APOB: variants seen among roughly 807,000 people sequenced by gnomAD.
APOB encodes apolipoprotein B-100.
Under a neutral mutation model 314.1 loss-of-function variants are expected in APOB, and 153 were observed. The observed-to-expected ratio is 0.49, with a 90% CI of 0.43 to 0.56. The LOEUF (loss-of-function observed/expected upper bound fraction) is 0.56, where lower values mean the gene tolerates loss of function less well. Ranked by LOEUF, APOB falls within the 20% of genes least tolerant of loss-of-function variation. The probability of loss-of-function intolerance (pLI) is 0.00; values close to 1 mark genes in which losing one functional copy is unlikely to be tolerated. For synonymous variants in APOB, 2,087 were observed against 2,036.4 expected (o/e 1.02, Z -0.67); for missense variants, 5,430 against 5,350.7 (o/e 1.01, Z -0.46).
At chr2:21,018,659 C>T (rs926056186) in intron 20 of APOB, among the ~76,000 whole-genome samples, 4 of 152,206 alleles carry the variant, frequency 2.6e-5, no homozygotes, top group Non-Finnish European at 4.4e-5. Context: ...TGCCCTTCTT[C>T]CTCCCTCCTA....
intron 18 of APOB, 50 bp from the exon 19 acceptor site, chr2:21,019,955 T>C (rs1663563569): frequency 1.9e-6 from 3 of 1,582,410 alleles, no homozygotes; most frequent in Non-Finnish European, 8.7e-7. Flanking sequence ...TGAATCAAAA[T>C]GGACATCACA....
chr2:21,007,540 T>C lies in APOB; in HGVS notation c.9328A>G (p.Ile3110Val). 6.2e-7 allele frequency: 1 copy of C among 1,614,118 alleles called. No individual in the cohort carries two copies. The highest frequency in any genetic ancestry group is 1.3e-5 in the African/African-American group (1 of 75,056). ...TTTATTCCTACATGGGCCTCCATAA[T>C]GTTCTCGTTGTTTCCAGCAGAGAAA... ...QNFSAGNNEN[I>V]MEAHVGINGE... is the part of the protein sequence containing the mutation. Residue 3110 changes from isoleucine to valine, a missense_variant, in exon 26 of 29, where the codon ATT (isoleucine) becomes GTT (valine). By Grantham distance (29) the Ile-to-Val change is conservative. This residue lies in a region of APOB where 3,281 missense variants were observed against 3,171.0 expected (regional missense o/e 1.03). Coordinates refer to ENST00000233242, the MANE Select transcript of APOB (RefSeq NM_000384.3).
Position 21,006,413 on chromosome 2 carries a change from G to A in APOB, c.10455C>T (p.Ser3485=), listed in dbSNP as rs1156252950. The A allele has an allele frequency of 6.2e-7, 1 of 1,614,056 alleles. No individual in the cohort carries two copies. Among genetic ancestry groups the A allele is most frequent in the Non-Finnish European group, 8.5e-7 (1 of 1,179,968 alleles). The part of the protein sequence containing the change: ...GAVDHKLSLE[S]LTSYFSIESS... ...ACTCAATGGAAAAGTAAGAGGTGAG[G>A]CTTTCCAAGCTAAGCTTGTGGTCAA... Residue 3485 remains serine (S), a synonymous_variant, in exon 26 of 29, where the codon AGC becomes AGT. Transcript: ENST00000233242.
In APOB at chr2:21,037,198, C is replaced by T. The variant is rs1474361895; in HGVS notation, c.595G>A (p.Val199Met). The T allele has an allele frequency of 6.2e-7, 1 of 1,614,224 alleles. No homozygotes were observed. Among genetic ancestry groups the T allele is most frequent in the Non-Finnish European group, 8.5e-7 (1 of 1,180,048 alleles). The change falls in exon 6 of 29, where the codon GTG becomes ATG. Residue 199 changes from valine (V) to methionine (M), a missense_variant. Val to Met is a conservative substitution (Grantham distance 21). Transcript: ENST00000233242. ...HFTVKTRKGNVATEISTERDL... is the reference protein window; with the variant it reads ...HFTVKTRKGNMATEISTERDL... Reference sequence around the variant, plus strand: ...CTTTCAGTGGATATTTCTGTTGCCACATTGCCCTTCCTCGTCTTGACGGTA... The same window carrying T: ...CTTTCAGTGGATATTTCTGTTGCCATATTGCCCTTCCTCGTCTTGACGGTA...
Position 21,002,624 on chromosome 2 carries a change from G to T in APOB, c.12798C>A (p.Ile4266=). ...CTTTCAACAGTTCCCTATACATCGA[G>T]ATTACATCTATTAGTTTATGTTTCC... ...ELRKHKLIDV[I]SMYRELLKDL... is the part of the protein sequence containing the mutation. The change falls in exon 29 of 29, where the codon ATC becomes ATA. Residue 4266 remains isoleucine, a synonymous_variant. Transcript: ENST00000233242. The T allele has an allele frequency of 6.2e-7, 1 of 1,613,968 alleles. No homozygotes were observed. The highest frequency in any genetic ancestry group is 1.1e-5 in the South Asian group (1 of 91,052).
In APOB at chr2:21,005,743, C is replaced by G. The variant is rs1479855897; in HGVS notation, c.11125G>C (p.Val3709Leu). ...RQHLRVSTAF[V>L]YTKNPNGYSF... ...TAGCCATTGGGGTTTTTGGTGTACA[C>G]AAAGGCAGTTGAAACACGAAGATGC... Residue 3709 changes from valine to leucine, a missense_variant, in exon 26 of 29, where the codon GTG becomes CTG. Around this residue, in one of 3 missense-constraint regions of APOB, gnomAD observed 3,281 missense variants for 3,171.0 expected, o/e 1.03. Transcript: ENST00000233242. 1 of 1,613,912 alleles carries G rather than the reference C, an allele frequency of 6.2e-7. No homozygotes were observed. The highest frequency in any genetic ancestry group is 1.7e-5 in the Admixed American group (1 of 60,002).
In APOB at chr2:21,011,058, G is replaced by A; in HGVS notation, c.5810C>T (p.Pro1937Leu). 1 of 1,614,200 alleles carries A rather than the reference G, an allele frequency of 6.2e-7. No homozygotes were observed. The highest frequency in any genetic ancestry group is 8.5e-7 in the Non-Finnish European group (1 of 1,180,028). ...ATCATGAGAGAAAGTAAATGCCAGA[G>A]GTTCTGCTTTCAACAGGAATTTGCT... ...LYSKFLLKAE[P>L]LAFTFSHDYK... The change falls in exon 26 of 29, where the codon CCT becomes CTT. Residue 1937 changes from proline (P) to leucine (L), a missense_variant. Transcript: ENST00000233242.
At position 21,006,080 on chromosome 2, in the gene APOB, C is replaced by T. The variant is rs1460050818; in HGVS notation, c.10788G>A (p.Met3596Ile). The T allele has an allele frequency of 6.2e-7, 1 of 1,614,004 alleles. No individual in the cohort carries two copies. The highest frequency in any genetic ancestry group is 1.7e-5 in the Admixed American group (1 of 59,976). The change falls in exon 26 of 29, where the codon ATG (methionine) becomes ATA (isoleucine). Residue 3596 changes from methionine to isoleucine, a missense_variant. This residue lies in a region of APOB where 3,281 missense variants were observed against 3,171.0 expected (regional missense o/e 1.03). Coordinates refer to ENST00000233242, the MANE Select transcript of APOB (RefSeq NM_000384.3). ...TTGCATGGACCTGAACAAGAGCTGA[C>T]ATTTGCCATGGAGAGAGTTCCAGGG... The part of the protein sequence containing the change: ...KATLELSPWQ[M>I]SALVQVHASQ...
At chr2:21,032,658 G>T in intron 9 of APOB, 77 bp from the exon 10 acceptor site, 1 of 1,150,298 alleles carries the variant, frequency 8.7e-7, no homozygotes, top group Non-Finnish European at 1.3e-6. Flanking sequence ...TGTGTCCTCT[G>T]CCAGGAGAGC....
chr2:21,027,710 T>G, intron 14 of APOB, 118 bp downstream of exon 14: 1 of 809,458 alleles, frequency 1.2e-6, no homozygotes, highest in Non-Finnish European at 2.2e-6. Flanking sequence ...CTCAGAATCA[T>G]GGTAGGAAGT....
rs1272417513 is a variant in APOB, at chr2:21,009,448, T to C, written c.7420A>G (p.Lys2474Glu). ...TCCAGATACACTGCAACTGTGGCCTTGGTTTCCTCTAAAAACAGTTTTAAT... is the reference window on the plus strand; with the variant it reads ...TCCAGATACACTGCAACTGTGGCCTCGGTTTCCTCTAAAAACAGTTTTAAT... Reference protein sequence around the residue: ...EALKLFLEETKATVAVYLESL... With the variant: ...EALKLFLEETEATVAVYLESL... The change falls in exon 26 of 29, where the codon AAG becomes GAG. Residue 2474 changes from lysine to glutamate, a missense_variant. Physicochemically the swap from Lys to Glu is moderately conservative, Grantham distance 56 (BLOSUM62 1). This residue lies in a region of APOB where 3,281 missense variants were observed against 3,171.0 expected (regional missense o/e 1.03). Transcript: ENST00000233242. 2 of 1,614,006 alleles carry C rather than the reference T, an allele frequency of 1.2e-6. No individual in the cohort carries two copies. The highest frequency in any genetic ancestry group is 1.7e-6 in the Non-Finnish European group (2 of 1,179,980).
In APOB at chr2:21,011,249, A is replaced by G. The variant is rs1343510326; in HGVS notation, c.5619T>C (p.Ala1873=). 6.2e-7 allele frequency: 1 copy of G among 1,614,122 alleles called. No homozygotes were observed. The highest frequency in any genetic ancestry group is 1.3e-5 in the African/African-American group (1 of 74,952). ...EFSHRLNTDI[A]GLASAIDMST... ...TCATGTCAATGGCTGAAGCCAGCCCAGCGATGTCTGTGTTGAGCCGATGGC... is the reference window on the plus strand; with the variant it reads ...TCATGTCAATGGCTGAAGCCAGCCCGGCGATGTCTGTGTTGAGCCGATGGC... The change falls in exon 26 of 29, where the codon GCT becomes GCC. Residue 1873 remains alanine (A), a synonymous_variant. Coordinates refer to ENST00000233242, the MANE Select transcript of APOB (RefSeq NM_000384.3).
intron 18 of APOB, among the ~76,000 whole-genome samples, chr2:21,022,287 A>G (rs1375347311): frequency 6.6e-6 from 1 of 152,174 alleles, no homozygotes; most frequent in Non-Finnish European, 1.5e-5. Context: ...TTATTTTTGA[A>G]TGAACACATG....
intron 18 of APOB, among the ~76,000 whole-genome samples, chr2:21,022,186 C>T (rs1663623853): frequency 6.6e-6 from 1 of 152,050 alleles, no homozygotes; most frequent in South Asian, 2.1e-4. Context: ...AGGCTGGTAT[C>T]CAAACACCAG....
chr2:21,014,325 T>C lies in APOB; in HGVS notation c.3842+123A>G, dbSNP rs908039795. 15 of 1,173,760 alleles carry C rather than the reference T, an allele frequency of 1.3e-5. No individual in the cohort carries two copies. The African/African-American group carries it at 2.2e-4, about 17-fold the overall frequency. The allele number at this position is 1,173,760 out of a possible 1,614,324, so 72.7% of individuals were successfully genotyped here. On this transcript the variant is annotated intron_variant, in intron 24 of 28. Coordinates refer to ENST00000233242, the MANE Select transcript of APOB (RefSeq NM_000384.3). Reference sequence around the variant, plus strand: ...GCCACAGTGTTTGTGCTATAGTTATTAATCTCCTTAAAATGCTTAAATTAT... The same window carrying C: ...GCCACAGTGTTTGTGCTATAGTTATCAATCTCCTTAAAATGCTTAAATTAT...
chr2:21,019,624 C>T, intron 19 of APOB, 99 bp downstream of exon 19: 1 of 1,285,754 alleles, frequency 7.8e-7, no homozygotes, highest in African/African-American at 1.5e-5. Flanking sequence ...AGGCTAGTGA[C>T]AGGGTCTTAC....
At position 21,027,947 on chromosome 2, in the gene APOB, G is replaced by T; in HGVS notation, c.1948C>A (p.Pro650Thr). The T allele has an allele frequency of 6.2e-7, 1 of 1,613,922 alleles. No individual in the cohort carries two copies. The highest frequency in any genetic ancestry group is 8.5e-7 in the Non-Finnish European group (1 of 1,179,788). Residue 650 changes from proline (P) to threonine (T), a missense_variant, in exon 14 of 29, where the codon CCA becomes ACA. Pro to Thr is a conservative substitution (Grantham distance 38). This residue lies in a region of APOB where 2,085 missense variants were observed against 2,079.7 expected (regional missense o/e 1.00). Coordinates refer to ENST00000233242, the MANE Select transcript of APOB (RefSeq NM_000384.3). ...YKSVSLPSLDPASAKIEGNLI... is the reference protein window; with the variant it reads ...YKSVSLPSLDTASAKIEGNLI... ...TTCCCTTCTATTTTGGCTGAGGCTG[G>T]GTCAAGTGATGGAAGAGAAACAGAT...
intron 24 of APOB, among the ~76,000 whole-genome samples, chr2:21,014,170 G>C (rs901550838): frequency 2.0e-5 from 3 of 152,200 alleles, no homozygotes; most frequent in Admixed American, 1.3e-4. Flanking sequence ...TTCACAGTCA[G>C]AGGGAGAATT....
In APOB at chr2:21,002,073, T is replaced by G; in HGVS notation, c.13349A>C (p.Glu4450Ala). 2 of 1,614,008 alleles carry G rather than the reference T, an allele frequency of 1.2e-6. No homozygotes were observed. The highest frequency in any genetic ancestry group is 3.3e-5 in the Admixed American group (2 of 60,010). Residue 4450 changes from glutamate (E) to alanine (A), a missense_variant, in exon 29 of 29, where the codon GAA becomes GCA. Physicochemically the swap from Glu to Ala is moderately radical, Grantham distance 107. Transcript: ENST00000233242. ...VEQFLHRNIQ[E>A]YLSILTDPDG... ...TGGATCGGTAAGGATGCTAAGATAT[T>G]CCTGAATATTTCTGTGCAGAAATTG...
Sources: allele counts gnomAD v4.1 joint callset (sites outside exome capture counted in the v4.1 genomes callset), GRCh38; gene constraint gnomAD v4.1.1; regional missense constraint gnomAD v4.1.1; transcripts MANE v1.5; gene names NCBI Gene and HGNC (gene_info 2026-07-23, HGNC 2026-07-21).